Variants in TMC1 observed in about 807,000 individuals in gnomAD.
TMC1 encodes the protein transmembrane channel like 1, also known as transmembrane channel-like protein 1.
TMC1 carries 84 observed loss-of-function variants against 105.8 expected under a neutral mutation model. The ratio of observed to expected loss-of-function variants is 0.79; its 90% CI spans 0.67 to 0.95. The LOEUF is 0.95. Among genes scored for constraint, TMC1 ranks in the 40% least tolerant of loss-of-function variants. TMC1 has a pLI of 0.00. For synonymous variants in TMC1, 315 were observed against 311.5 expected (o/e 1.01, Z -0.12); for missense variants, 817 against 914.1 (o/e 0.89, Z 1.37).
intron 1 of TMC1, 46 bp downstream of exon 1, chr9:72,521,959 C>G (rs1164618000): frequency 6.6e-6 from 1 of 152,132 alleles, no homozygotes; most frequent in Non-Finnish European, 1.5e-5. Flanking sequence ...TGTTAACATT[C>G]TTTATGAAAC....
At chr9:72,827,109 C>A in intron 21 of TMC1, 115 bp downstream of exon 21, 1 of 1,340,548 alleles carries the variant, frequency 7.5e-7, no homozygotes, top group Non-Finnish European at 1.1e-6. Context: ...GTAACCTATC[C>A]AAATTCAACA....
At chr9:72,816,249 G>T (rs774906752) in intron 19 of TMC1, 39 bp downstream of exon 19, 1 of 1,588,134 alleles carries the variant, frequency 6.3e-7, no homozygotes, top group South Asian at 1.1e-5. Context: ...TTACAGAAAA[G>T]CCTCCCAGGT....
chr9:72,632,907 G>A (rs761091932), intron 4 of TMC1, among the ~76,000 whole-genome samples: 22 of 151,920 alleles, frequency 1.4e-4, no homozygotes, highest in African/African-American at 4.6e-4. Context: ...ACCAGATTAT[G>A]AGGCAGTTAT....
At chr9:72,756,611 A>G (rs188454017) in intron 12 of TMC1, among the ~76,000 whole-genome samples, 11 of 152,308 alleles carry the variant, frequency 7.2e-5, no homozygotes, top group Non-Finnish European at 1.5e-4. Context: ...CTGATTAGCA[A>G]AATGACAAAC....
At chr9:72,747,825 A>C (rs764576475) in intron 10 of TMC1, among the ~76,000 whole-genome samples, 6 of 152,096 alleles carry the variant, frequency 3.9e-5, no homozygotes, top group Non-Finnish European at 8.8e-5. Flanking sequence ...TGAACTCCTG[A>C]CCTCGTGATC....
intron 9 of TMC1, among the ~76,000 whole-genome samples, chr9:72,740,515 G>A (rs1396454735): frequency 6.6e-6 from 1 of 152,130 alleles, no homozygotes; most frequent in Non-Finnish European, 1.5e-5. Context: ...CTCTGGAAGT[G>A]AAGGGGTTCT....
chr9:72,754,846 G>A lies in TMC1; in HGVS notation c.703G>A (p.Ala235Thr). ...PRKTVPRAEE[A>T]SAANFGVLYD... is the part of the protein sequence containing the mutation. Reference sequence around the variant, plus strand: ...GAAAACCGTTCCCAGAGCCGAAGAGGCATCGGCAGCAAACTTTGGTGTGTT... The same window carrying A: ...GAAAACCGTTCCCAGAGCCGAAGAGACATCGGCAGCAAACTTTGGTGTGTT... Residue 235 changes from alanine to threonine, a missense_variant, in exon 12 of 24, where the codon GCA becomes ACA. Coordinates refer to ENST00000297784, the MANE Select transcript of TMC1 (RefSeq NM_138691.3). 1.2e-6 allele frequency: 2 copies of A among 1,614,128 alleles called. No homozygotes were observed. The highest frequency in any genetic ancestry group is 1.3e-5 in the African/African-American group (1 of 75,046).
At chr9:72,816,012 T>G in intron 18 of TMC1, 131 bp from the exon 19 acceptor site, 1 of 782,724 alleles carries the variant, frequency 1.3e-6, no homozygotes, top group Non-Finnish European at 2.3e-6. Context: ...TGGTTACTTA[T>G]CCTAGTGATT....
At chr9:72,581,538 G>T (rs1824475339) in intron 2 of TMC1, among the ~76,000 whole-genome samples, 1 of 152,092 alleles carries the variant, frequency 6.6e-6, no homozygotes, top group Non-Finnish European at 1.5e-5. Context: ...AGGACTCTTG[G>T]GCCAGTTTTA....
intron 3 of TMC1, among the ~76,000 whole-genome samples, chr9:72,617,943 G>A (rs1403888502): frequency 7.1e-6 from 1 of 141,756 alleles, no homozygotes; most frequent in East Asian, 2.0e-4. Context: ...GTGTGTGTGT[G>A]TGTGTGTATG....
chr9:72,767,664 G>T (rs1827861235), intron 12 of TMC1, among the ~76,000 whole-genome samples: 1 of 152,178 alleles, frequency 6.6e-6, no homozygotes, highest in African/African-American at 2.4e-5. Flanking sequence ...AGAAATTAGA[G>T]TCTTAATAGA....
At chr9:72,527,355 A>G (rs1823423405) in intron 1 of TMC1, among the ~76,000 whole-genome samples, 1 of 151,956 alleles carries the variant, frequency 6.6e-6, no homozygotes, top group Non-Finnish European at 1.5e-5. Context: ...AAAAAATGCA[A>G]ATTTCTGGAT....
intron 6 of TMC1, among the ~76,000 whole-genome samples, chr9:72,690,689 T>C (rs1452501581): frequency 1.3e-5 from 2 of 152,182 alleles, no homozygotes; most frequent in African/African-American, 4.8e-5. Flanking sequence ...TAAGAAATGA[T>C]AGTCTTATGA....
chr9:72,833,739 G>GT (rs1829077618), intron 23 of TMC1, among the ~76,000 whole-genome samples: 2 of 152,280 alleles, frequency 1.3e-5, no homozygotes, highest in South Asian at 4.1e-4. Flanking sequence ...CTTCAAAATA[G>GT]TATTTTTTCA....
chr9:72,731,987 TA>T (rs1195774782), intron 8 of TMC1, among the ~76,000 whole-genome samples: 2 of 152,236 alleles, frequency 1.3e-5, no homozygotes, highest in Non-Finnish European at 1.5e-5. Flanking sequence ...AATGAAATTG[TA>T]AATTCCTTAC....
chr9:72,534,635 G>T (rs868265785), intron 1 of TMC1, among the ~76,000 whole-genome samples: 2 of 152,110 alleles, frequency 1.3e-5, no homozygotes, highest in Non-Finnish European at 2.9e-5. Context: ...GCTATCATTA[G>T]AAAAACGTTA....
chr9:72,812,669 C>A (rs957181161), intron 18 of TMC1, among the ~76,000 whole-genome samples: 2 of 152,200 alleles, frequency 1.3e-5, no homozygotes, highest in Non-Finnish European at 2.9e-5. Flanking sequence ...GTCTGAGGAC[C>A]ACACTCAAAA....
intron 18 of TMC1, among the ~76,000 whole-genome samples, chr9:72,810,698 G>A (rs1328268777): frequency 1.3e-5 from 2 of 152,066 alleles, no homozygotes; most frequent in African/African-American, 4.8e-5. Context: ...GCTATTAACT[G>A]TTGTTTTGTA....
chr9:72,667,079 C>G (rs1435111341), intron 5 of TMC1, among the ~76,000 whole-genome samples: 6 of 151,768 alleles, frequency 4.0e-5, no homozygotes, highest in African/African-American at 1.5e-4. Flanking sequence ...GACCCTGTCT[C>G]AAAACAAACA....
Sources: gnomAD v4.1 joint callset for allele counts (sites outside exome capture counted in the v4.1 genomes callset) on GRCh38, gnomAD v4.1.1 for gene constraint, MANE v1.5 for transcripts, NCBI Gene and HGNC (gene_info 2026-07-23, HGNC 2026-07-21) for gene names.